MCM8: variants seen among roughly 807,000 people sequenced by gnomAD.
The protein encoded by MCM8 is minichromosome maintenance 8 homologous recombination repair factor.
Under a neutral mutation model 98.9 loss-of-function variants are expected in MCM8, and 85 were observed. That is an observed-to-expected ratio of 0.86 (90% CI 0.72 to 1.03). The LOEUF (loss-of-function observed/expected upper bound fraction) is 1.03, where lower values mean the gene tolerates loss of function less well. MCM8 is among the 50% of genes least tolerant of loss of function. The pLI is 0.00. For synonymous variants in MCM8, 352 were observed against 338.6 expected, an observed-to-expected ratio of 1.04 and a Z score of -0.44; for missense variants, 951 against 997.8, an observed-to-expected ratio of 0.95 and a Z score of 0.63.
intron 7 of MCM8, among the ~76,000 whole-genome samples, chr20:5,959,216 A>G (rs2089070883): frequency 6.6e-6 from 1 of 152,172 alleles, no homozygotes; most frequent in South Asian, 2.1e-4. Flanking sequence ...TGTAATTAAC[A>G]TTTATCTACT....
At chr20:5,952,652 C>A in intron 3 of MCM8, 124 bp downstream of exon 3, 1 of 777,006 alleles carries the variant, frequency 1.3e-6, no homozygotes, top group Non-Finnish European at 2.1e-6. Flanking sequence ...TTAGTTCACC[C>A]AAACAATTAA....
At chr20:5,967,332 T>C in intron 8 of MCM8, 104 bp from the exon 9 acceptor site, 2 of 958,212 alleles carry the variant, frequency 2.1e-6, no homozygotes, top group Middle Eastern at 2.4e-4. Context: ...AATAAGCAAA[T>C]CTGCTTTTAT....
At chr20:5,972,762 C>T (rs1600275398) in intron 11 of MCM8, 1 of 1,343,790 alleles carries the variant, frequency 7.4e-7, no homozygotes, top group African/African-American at 1.5e-5. Flanking sequence ...TAGACACTGC[C>T]AGTATTAAAG....
chr20:5,977,660 TA>T (rs1222571088), intron 12 of MCM8, among the ~76,000 whole-genome samples: 2 of 152,234 alleles, frequency 1.3e-5, no homozygotes, highest in African/African-American at 4.8e-5. Flanking sequence ...TCCACCTTGA[TA>T]GCTGTGTAGT....
chr20:5,983,075 G>T lies in MCM8; in HGVS notation c.1643G>T (p.Cys548Phe). Residue 548 changes from cysteine (C) to phenylalanine (F), a missense_variant, in exon 14 of 19, where the codon TGT becomes TTT. Physicochemically the swap from Cys to Phe is radical, Grantham distance 205 (BLOSUM62 -2). Transcript: ENST00000610722. ...SISLAKAGVV[C>F]SLPARTSIIA... ...AGTCTTGCTAAGGCTGGTGTGGTTT[G>T]TAGCCTTCCTGCAAGAACTTCCATT... 1 of 1,614,150 alleles carries T rather than the reference G, an allele frequency of 6.2e-7. No individual in the cohort carries two copies. The highest frequency in any genetic ancestry group is 8.5e-7 in the Non-Finnish European group (1 of 1,180,008).
At chr20:5,981,298 A>C (rs1346290256) in intron 13 of MCM8, among the ~76,000 whole-genome samples, 1 of 152,212 alleles carries the variant, frequency 6.6e-6, no homozygotes, top group Admixed American at 6.5e-5. Flanking sequence ...AAAGGTGGAG[A>C]TAAAGCCTGT....
chr20:5,986,117 A>ATTCG lies in MCM8; in HGVS notation c.2151_2154dup (p.Leu719SerfsTer21). The ATTCG allele has an allele frequency of 6.2e-7, 1 of 1,614,128 alleles. No homozygotes were observed. Among genetic ancestry groups the ATTCG allele is most frequent in the Non-Finnish European group, 8.5e-7 (1 of 1,180,012 alleles). The stretch of plus-strand genomic sequence containing the variant: ...CACTACCAGGCAGCTGGAATCTTTG[A>ATTCG]TTCGTCTGACAGAGGTTTGTTTCTT... On this transcript the variant is annotated frameshift_variant, in exon 16 of 19. Coordinates refer to ENST00000610722, the MANE Select transcript of MCM8 (RefSeq NM_032485.6). LOFTEE classifies it high-confidence loss of function.
In MCM8 at chr20:5,977,925, C is replaced by T. The variant is rs201813827; in HGVS notation, c.1445C>T (p.Thr482Met). The change falls in exon 13 of 19, where the codon ACG (threonine) becomes ATG (methionine). Residue 482 changes from threonine (T) to methionine (M), a missense_variant. Thr to Met is a moderately conservative substitution (Grantham distance 81, BLOSUM62 -1). Coordinates refer to ENST00000610722, the MANE Select transcript of MCM8 (RefSeq NM_032485.6). ...PRGVYVCGNTTTTSGLTVTLS... is the reference protein window; with the variant it reads ...PRGVYVCGNTMTTSGLTVTLS... ...GGCGTGTATGTTTGTGGTAACACCACGACCACCTCTGGTCTGACGGTAACT... is the reference window on the plus strand; with the variant it reads ...GGCGTGTATGTTTGTGGTAACACCATGACCACCTCTGGTCTGACGGTAACT... The T allele has an allele frequency of 9.5e-5, 153 of 1,614,218 alleles. 2 individuals are homozygous for T. The East Asian group carries it at 1.7e-3, about 18-fold the overall frequency.
At chr20:5,956,664 G>A (rs1016493132) in intron 5 of MCM8, among the ~76,000 whole-genome samples, 2 of 152,202 alleles carry the variant, frequency 1.3e-5, no homozygotes, top group African/African-American at 4.8e-5. Flanking sequence ...AAAGTGCTGG[G>A]ATAACAGGTG....
intron 14 of MCM8, among the ~76,000 whole-genome samples, chr20:5,983,951 G>A (rs950564224): frequency 4.6e-5 from 7 of 152,338 alleles, no homozygotes; most frequent in Admixed American, 3.9e-4. Flanking sequence ...TTATGAGAAC[G>A]AAAGTGGCTT....
Position 5,977,932 on chromosome 20 carries a change from C to T in MCM8, c.1452C>T (p.Thr484=), listed in dbSNP as rs113442872. 81 of 1,614,098 alleles carry T rather than the reference C, an allele frequency of 5.0e-5. No homozygotes were observed. The African/African-American group carries it at 6.0e-4, about 12-fold the overall frequency. The change falls in exon 13 of 19, where the codon ACC becomes ACT. Residue 484 remains threonine (T), a synonymous_variant. Coordinates refer to ENST00000610722, the MANE Select transcript of MCM8 (RefSeq NM_032485.6). ...GVYVCGNTTT[T]SGLTVTLSKD... is the part of the protein sequence containing the mutation. Reference sequence around the variant, plus strand: ...ATGTTTGTGGTAACACCACGACCACCTCTGGTCTGACGGTAACTCTTTCAA... The same window carrying T: ...ATGTTTGTGGTAACACCACGACCACTTCTGGTCTGACGGTAACTCTTTCAA...
chr20:5,985,849 A>G, intron 15 of MCM8, 73 bp from the exon 16 acceptor site: 1 of 1,530,890 alleles, frequency 6.5e-7, no homozygotes, highest in Non-Finnish European at 9.0e-7. Flanking sequence ...CCTGGCCTAA[A>G]CAAGTTATTT....
chr20:5,968,991 C>G (rs1422570044), intron 10 of MCM8, among the ~76,000 whole-genome samples: 1 of 152,154 alleles, frequency 6.6e-6, no homozygotes, highest in African/African-American at 2.4e-5. Context: ...TGGAGACAAA[C>G]CTAAGTTAGA....
At position 5,995,143 on chromosome 20, in the gene MCM8, T is replaced by C. The variant is rs1169531636; in HGVS notation, c.*752T>C. 6.6e-6 allele frequency: 1 copy of C among 152,638 alleles called. No individual in the cohort carries two copies. The highest frequency in any genetic ancestry group is 1.5e-5 in the Non-Finnish European group (1 of 68,346). The allele number at this position is 152,638 out of a possible 1,614,324, so 9.5% of individuals were successfully genotyped here. A position where few individuals can be genotyped will look rare whatever the true frequency, so the allele number is the denominator to read the frequency against. ...CCAATAAAACTTTATTTATGGACAC[T>C]AAAATTTGAATTTCATAAAATTTTC... is the stretch of plus-strand genomic sequence containing the variant. On this transcript the variant is annotated 3_prime_UTR_variant, in exon 19 of 19. Transcript: ENST00000610722.
At chr20:5,972,980 A>T in intron 11 of MCM8, 76 bp from the exon 12 acceptor site, 5 of 1,493,224 alleles carry the variant, frequency 3.3e-6, no homozygotes, top group Non-Finnish European at 4.5e-6. Flanking sequence ...AATATTATAG[A>T]AGGAGGAATA....
At chr20:5,973,668 T>G (rs1464952809) in intron 12 of MCM8, among the ~76,000 whole-genome samples, 1 of 152,122 alleles carries the variant, frequency 6.6e-6, no homozygotes, top group East Asian at 1.9e-4. Flanking sequence ...GCAACCTTTT[T>G]TTTTGAGACG....
intron 6 of MCM8, among the ~76,000 whole-genome samples, 179 bp downstream of exon 6, chr20:5,957,408 A>G (rs777525798): frequency 2.3e-4 from 35 of 152,252 alleles, no homozygotes; most frequent in Non-Finnish European, 4.4e-4. Context: ...ACATCATGAC[A>G]GATACTTCCT....
chr20:5,963,312 T>C lies in MCM8; in HGVS notation c.828T>C (p.Ala276=). The change falls in exon 8 of 19, where the codon GCT becomes GCC. Residue 276 remains alanine (A), a synonymous_variant. Transcript: ENST00000610722. The part of the protein sequence containing the change: ...VPVCRGRSFT[A]LRSSPLTVTM... ...TGTGTCGAGGCAGGTCATTTACTGC[T>C]CTCCGCAGCTCTCCTCTCACAGTTA... 4 of 1,614,088 alleles carry C rather than the reference T, an allele frequency of 2.5e-6. No homozygotes were observed. Among genetic ancestry groups the C allele is most frequent in the African/African-American group, 1.3e-5 (1 of 75,020 alleles).
In MCM8 at chr20:5,955,091, AT is replaced by A; in HGVS notation, c.337-10del. On this transcript the variant is annotated splice_polypyrimidine_tract_variant and intron_variant, in intron 4 of 18. Coordinates refer to ENST00000610722, the MANE Select transcript of MCM8 (RefSeq NM_032485.6). ...AAGCAATTATTGTTTTCATACTTTT[AT>A]ATTTTATAGGATGAAATAGAAAGAA... The A allele has an allele frequency of 1.9e-6, 3 of 1,558,724 alleles. No homozygotes were observed. Among genetic ancestry groups the A allele is most frequent in the Non-Finnish European group, 2.6e-6 (3 of 1,136,994 alleles).
Sources: gnomAD v4.1 joint callset for allele counts (sites outside exome capture counted in the v4.1 genomes callset) on GRCh38, gnomAD v4.1.1 for gene constraint, MANE v1.5 for transcripts, NCBI Gene and HGNC (gene_info 2026-07-23, HGNC 2026-07-21) for gene names.